RRAS2: variants seen among roughly 807,000 people sequenced by gnomAD.
The protein encoded by RRAS2 is ras-related protein R-Ras2.
Under a neutral mutation model 27.6 loss-of-function variants are expected in RRAS2, and 7 were observed. That is an observed-to-expected ratio of 0.25 (90% CI 0.14 to 0.48). The LOEUF is 0.48. RRAS2 is among the 20% of genes least tolerant of loss of function. The pLI is 0.99. For missense variants in RRAS2, 178 were observed against 256.2 expected, an observed-to-expected ratio of 0.69 and a Z score of 2.08; for synonymous variants, 86 against 90.9, an observed-to-expected ratio of 0.95 and a Z score of 0.31.
intron 1 of RRAS2, among the ~76,000 whole-genome samples, chr11:14,331,294 T>C (rs1320372339): frequency 2.6e-5 from 4 of 152,150 alleles, no homozygotes; most frequent in Admixed American, 6.5e-5. Flanking sequence ...CCCCTCAGTG[T>C]ACTAAGTAAA....
intron 1 of RRAS2, among the ~76,000 whole-genome samples, chr11:14,334,109 G>T (rs1848542166): frequency 6.6e-6 from 1 of 152,104 alleles, no homozygotes; most frequent in Admixed American, 6.6e-5. Context: ...AAGTTACCTG[G>T]AAAATAACTA....
chr11:14,294,655 T>G (rs544961094), intron 3 of RRAS2, 76 bp from the exon 4 acceptor site: 2 of 1,449,548 alleles, frequency 1.4e-6, no homozygotes, highest in African/African-American at 2.9e-5. Flanking sequence ...ATGCCCCAAT[T>G]AGTACTTTAT....
Position 14,331,458 on chromosome 11 carries a change from A to G in RRAS2, c.108+27305T>C, listed in dbSNP as rs185690289. On this transcript the variant is annotated intron_variant, in intron 1 of 5. Coordinates refer to ENST00000256196, the MANE Select transcript of RRAS2 (RefSeq NM_012250.6). ...GATACTTATATAACTTATCCAAAAA[A>G]TTTTAAAACCATTGTACACGATGTA... Among the ~76,000 whole-genome samples the G allele has an allele frequency of 2.6e-5, 4 of 152,242 alleles. No individual in the cohort carries two copies. The East Asian group carries it at 7.7e-4, about 29-fold the overall frequency.
At chr11:14,287,447 C>T (rs1234561764) in intron 4 of RRAS2, among the ~76,000 whole-genome samples, 1 of 152,122 alleles carries the variant, frequency 6.6e-6, no homozygotes. Context: ...GAAGGAAATA[C>T]ACGTACTTAT....
intron 4 of RRAS2, among the ~76,000 whole-genome samples, chr11:14,285,318 G>C (rs1233626024): frequency 6.6e-6 from 1 of 152,134 alleles, no homozygotes; most frequent in Non-Finnish European, 1.5e-5. Context: ...GGTGGCTGAG[G>C]CAAGAGGATC....
chr11:14,291,688 A>G (rs982990115), intron 4 of RRAS2, among the ~76,000 whole-genome samples: 1 of 146,778 alleles, frequency 6.8e-6, no homozygotes, highest in Admixed American at 6.8e-5. Flanking sequence ...TACAAAAAGT[A>G]AAAAAAAAAA....
rs1554955947 is a variant in RRAS2 at position 14,359,162 on chromosome 11, G to C, written c.-292C>G. 2.0e-6 allele frequency: 2 copies of C among 1,012,238 alleles called. No homozygotes were observed. Among genetic ancestry groups the C allele is most frequent in the African/African-American group, 3.4e-5 (2 of 57,976 alleles). 62.7% of individuals were successfully genotyped at this position (1,012,238 alleles called of 1,614,324 possible). On this transcript the variant is annotated 5_prime_UTR_variant, in exon 1 of 6. Coordinates refer to ENST00000256196, the MANE Select transcript of RRAS2 (RefSeq NM_012250.6). The stretch of plus-strand genomic sequence containing the variant: ...CAGCGCCTGCCGAACGCAGCCTCCA[G>C]CGCCGCCACAAATGGCCGTCTGGGG...
chr11:14,304,158 A>T (rs1182104753), intron 1 of RRAS2, among the ~76,000 whole-genome samples: 1 of 152,192 alleles, frequency 6.6e-6, no homozygotes, highest in Non-Finnish European at 1.5e-5. Context: ...AGATTTGTAT[A>T]CTAAACCTTT....
intron 1 of RRAS2, among the ~76,000 whole-genome samples, chr11:14,326,659 G>T (rs1848363229): frequency 6.6e-6 from 1 of 152,150 alleles, no homozygotes; most frequent in Non-Finnish European, 1.5e-5. Context: ...CCTCTATTTG[G>T]GAGGGGGAGG....
At chr11:14,349,406 C>T (rs1345392408) in intron 1 of RRAS2, among the ~76,000 whole-genome samples, 4 of 151,688 alleles carry the variant, frequency 2.6e-5, no homozygotes, top group African/African-American at 9.7e-5. Flanking sequence ...TCGTGATACA[C>T]CCGCCTCAGC....
chr11:14,311,866 A>AC (rs1564965865), intron 1 of RRAS2, among the ~76,000 whole-genome samples: 3 of 151,056 alleles, frequency 2.0e-5, no homozygotes, highest in Non-Finnish European at 4.4e-5. Flanking sequence ...ACTGTGAAAA[A>AC]CTTTTTTTTT....
intron 1 of RRAS2, among the ~76,000 whole-genome samples, chr11:14,303,824 G>A (rs1554947709): frequency 1.3e-5 from 2 of 152,114 alleles, no homozygotes; most frequent in Admixed American, 1.3e-4. Context: ...GAAGCAGTGG[G>A]AAAAGCTATG....
At chr11:14,286,384 A>G (rs1554945040) in intron 4 of RRAS2, among the ~76,000 whole-genome samples, 1 of 152,148 alleles carries the variant, frequency 6.6e-6, no homozygotes, top group African/African-American at 2.4e-5. Context: ...CTTTCAGGTC[A>G]TGCTCTAGGT....
At chr11:14,312,143 G>A (rs1847985205) in intron 1 of RRAS2, among the ~76,000 whole-genome samples, 1 of 152,198 alleles carries the variant, frequency 6.6e-6, no homozygotes, top group African/African-American at 2.4e-5. Flanking sequence ...GGGATTACAG[G>A]TGTGAGCCAC....
At chr11:14,282,216 G>C (rs1490666802) in intron 4 of RRAS2, among the ~76,000 whole-genome samples, 5 of 152,160 alleles carry the variant, frequency 3.3e-5, no homozygotes, top group Non-Finnish European at 7.4e-5. Flanking sequence ...CACATAGCTG[G>C]AATACATTAA....
chr11:14,329,066 CAT>C (rs201551453), intron 1 of RRAS2, among the ~76,000 whole-genome samples: 3 of 71,172 alleles, frequency 4.2e-5, no homozygotes, highest in African/African-American at 4.6e-5. Flanking sequence ...CACACATATA[CAT>C]ACACACACAC....
chr11:14,323,071 A>G (rs1375069820), intron 1 of RRAS2, among the ~76,000 whole-genome samples: 1 of 152,230 alleles, frequency 6.6e-6, no homozygotes, highest in Non-Finnish European at 1.5e-5. Flanking sequence ...AGAGAATACT[A>G]TGAACAACTT....
chr11:14,299,236 T>C (rs1479028451), intron 1 of RRAS2, among the ~76,000 whole-genome samples: 11 of 152,174 alleles, frequency 7.2e-5, no homozygotes, highest in Non-Finnish European at 1.3e-4. Context: ...AGCTCAGGAG[T>C]AGCTGTAATA....
chr11:14,289,055 C>T (rs1554945452), intron 4 of RRAS2, among the ~76,000 whole-genome samples: 1 of 152,166 alleles, frequency 6.6e-6, no homozygotes, highest in East Asian at 1.9e-4. Context: ...CCTACATTCA[C>T]CATCTAAACC....
Sources: gnomAD v4.1 joint callset for allele counts (sites outside exome capture counted in the v4.1 genomes callset) on GRCh38, gnomAD v4.1.1 for gene constraint, MANE v1.5 for transcripts, NCBI Gene and HGNC (gene_info 2026-07-23, HGNC 2026-07-21) for gene names.